Variants in PLCB4 observed in about 807,000 individuals in gnomAD.
PLCB4 encodes 1-phosphatidylinositol 4,5-bisphosphate phosphodiesterase beta-4.
Under a neutral mutation model 178.8 loss-of-function variants are expected in PLCB4, and 77 were observed. The ratio of observed to expected loss-of-function variants is 0.43; its 90% CI spans 0.36 to 0.52. PLCB4 has a LOEUF of 0.52. PLCB4 is among the 20% of genes least tolerant of loss of function. The probability of loss-of-function intolerance (pLI) is 0.00; values close to 1 mark genes in which losing one functional copy is unlikely to be tolerated. For synonymous variants in PLCB4, 496 were observed against 490.8 expected (o/e 1.01, Z -0.14); for missense variants, 1,024 against 1,453.4 (o/e 0.70, Z 4.80).
chr20:9,386,995 A>G (rs1246028287), intron 14 of PLCB4, among the ~76,000 whole-genome samples: 1 of 151,020 alleles, frequency 6.6e-6, no homozygotes, highest in African/African-American at 2.4e-5. Flanking sequence ...GGGTTCAAGC[A>G]ATTCTCATGC....
intron 2 of PLCB4, among the ~76,000 whole-genome samples, chr20:9,162,431 G>A (rs1468596746): frequency 6.6e-6 from 1 of 152,152 alleles, no homozygotes; most frequent in Non-Finnish European, 1.5e-5. Context: ...TAACTGTCAC[G>A]TCATGGTGAA....
At chr20:9,387,022 G>A (rs1288663148) in intron 14 of PLCB4, among the ~76,000 whole-genome samples, 6 of 151,564 alleles carry the variant, frequency 4.0e-5, no homozygotes, top group African/African-American at 1.5e-4. Flanking sequence ...CTCCCAGGTA[G>A]CTGGGATTAC....
chr20:9,365,315 C>T, intron 8 of PLCB4, 146 bp from the exon 9 acceptor site: 1 of 554,804 alleles, frequency 1.8e-6, no homozygotes, highest in Non-Finnish European at 3.2e-6. Context: ...ATCTGACAAC[C>T]CTAAATTCAT....
rs1366359719 is a variant in PLCB4, at chr20:9,435,621, C to T, written c.2586C>T (p.Asp862=). The change falls in exon 29 of 40, where the codon GAC becomes GAT. Residue 862 remains aspartate (D), a synonymous_variant. Coordinates refer to ENST00000378473, the MANE Select transcript of PLCB4 (RefSeq NM_001377142.1). ...TCTCAATTACAGAAAAGAGAGCAGA[C>T]CAAATGAGAGCTATGGGCATTGAAA... ...KFLSITEKRA[D]QMRAMGIETS... 2 of 1,604,160 alleles carry T rather than the reference C, an allele frequency of 1.2e-6. No individual in the cohort carries two copies. Among genetic ancestry groups the T allele is most frequent in the Non-Finnish European group, 1.7e-6 (2 of 1,171,878 alleles).
chr20:9,319,569 G>T (rs767004369), intron 4 of PLCB4, among the ~76,000 whole-genome samples: 2 of 152,144 alleles, frequency 1.3e-5, no homozygotes, highest in South Asian at 2.1e-4. Context: ...AACCTGAAGG[G>T]CCAGAGAACC....
At chr20:9,405,921 G>C (rs2039401456) in intron 21 of PLCB4, among the ~76,000 whole-genome samples, 1 of 152,178 alleles carries the variant, frequency 6.6e-6, no homozygotes, top group South Asian at 2.1e-4. Context: ...CAGAGGTTCG[G>C]AAAATACTGC....
At chr20:9,439,897 T>G (rs907745373) in intron 30 of PLCB4, among the ~76,000 whole-genome samples, 3 of 152,242 alleles carry the variant, frequency 2.0e-5, no homozygotes, top group African/African-American at 7.2e-5. Context: ...GTCAGTAATT[T>G]AAATAAGTAA....
At chr20:9,241,434 C>T (rs991482595) in intron 3 of PLCB4, among the ~76,000 whole-genome samples, 2 of 151,168 alleles carry the variant, frequency 1.3e-5, no homozygotes, top group Non-Finnish European at 2.9e-5. Flanking sequence ...TCACTCCAAA[C>T]CACACAAGAG....
At chr20:9,373,003 C>A in intron 11 of PLCB4, 44 bp from the exon 12 acceptor site, 1 of 823,102 alleles carries the variant, frequency 1.2e-6, no homozygotes, top group Non-Finnish European at 2.1e-6. Flanking sequence ...CATACTGTAG[C>A]ATCATATACA....
chr20:9,141,208 A>G (rs2092483412), intron 2 of PLCB4, among the ~76,000 whole-genome samples: 1 of 152,160 alleles, frequency 6.6e-6, no homozygotes, highest in Non-Finnish European at 1.5e-5. Context: ...CTTTGTGACC[A>G]TTGGGCCAGA....
At chr20:9,124,246 CT>C (rs1455475014) in intron 2 of PLCB4, among the ~76,000 whole-genome samples, 3 of 152,158 alleles carry the variant, frequency 2.0e-5, no homozygotes, top group African/African-American at 7.2e-5. Context: ...CAGCTCACAC[CT>C]GTAATCCCAG....
At chr20:9,361,863 T>A (rs2035365283) in intron 7 of PLCB4, among the ~76,000 whole-genome samples, 2 of 152,200 alleles carry the variant, frequency 1.3e-5, no homozygotes, top group Admixed American at 6.5e-5. Flanking sequence ...CCCATGTTGA[T>A]GTTTAAGCAT....
chr20:9,421,178 T>C, intron 26 of PLCB4, 119 bp from the exon 27 acceptor site: 1 of 695,796 alleles, frequency 1.4e-6, no homozygotes, highest in Non-Finnish European at 2.4e-6. Flanking sequence ...ATTATTGCCA[T>C]AGATAATTGA....
intron 25 of PLCB4, among the ~76,000 whole-genome samples, chr20:9,415,692 C>G (rs766700231): frequency 6.6e-6 from 1 of 151,708 alleles, no homozygotes; most frequent in African/African-American, 2.4e-5. Context: ...CAGAAAGCAC[C>G]AAACAGACCA....
chr20:9,324,531 CT>C (rs1273046065), intron 4 of PLCB4, among the ~76,000 whole-genome samples: 2 of 152,208 alleles, frequency 1.3e-5, no homozygotes, highest in Non-Finnish European at 2.9e-5. Context: ...TCTTCCCATT[CT>C]CATTTCCCTA....
chr20:9,369,305 C>A (rs2036043204), intron 9 of PLCB4, among the ~76,000 whole-genome samples: 1 of 152,112 alleles, frequency 6.6e-6, no homozygotes, highest in African/African-American at 2.4e-5. Context: ...AGATTGTTCT[C>A]CTGAGAGCAA....
intron 30 of PLCB4, among the ~76,000 whole-genome samples, chr20:9,443,524 T>C (rs1225667863): frequency 6.6e-6 from 1 of 152,194 alleles, no homozygotes; most frequent in Non-Finnish European, 1.5e-5. Flanking sequence ...GTGAAACCTC[T>C]GTAGCACTCA....
At chr20:9,415,893 C>T (rs1421828537) in intron 25 of PLCB4, among the ~76,000 whole-genome samples, 1 of 152,134 alleles carries the variant, frequency 6.6e-6, no homozygotes, top group African/African-American at 2.4e-5. Context: ...TATCAATGCC[C>T]CAGCCCCCTG....
rs1232571522 is a variant in PLCB4 at position 9,479,547 on chromosome 20, A to G, written c.*538A>G. The stretch of plus-strand genomic sequence containing the variant: ...GTCTCTACCATGCCATCAGAGGCTA[A>G]TTTCCTGTAAAAGTTGTGGAAATTG... On this transcript the variant is annotated 3_prime_UTR_variant, in exon 40 of 40. Transcript: ENST00000378473. The G allele has an allele frequency of 6.5e-6, 1 of 154,490 alleles. No individual in the cohort carries two copies. The highest frequency in any genetic ancestry group is 1.4e-5 in the Non-Finnish European group (1 of 69,352). The allele number at this position is 154,490 out of a possible 1,614,324, so 9.6% of individuals were successfully genotyped here. A position where few individuals can be genotyped will look rare whatever the true frequency, so the allele number is the denominator to read the frequency against.
Sources: allele counts gnomAD v4.1 joint callset (sites outside exome capture counted in the v4.1 genomes callset), GRCh38; gene constraint gnomAD v4.1.1; transcripts MANE v1.5; gene names NCBI Gene and HGNC (gene_info 2026-07-23, HGNC 2026-07-21).